Variants in MRPS6 observed in about 807,000 individuals in gnomAD.
MRPS6 encodes the protein small ribosomal subunit protein bS6m.
A neutral mutation model predicts 13.1 loss-of-function variants in MRPS6; 6 were observed. The ratio of observed to expected loss-of-function variants is 0.46; its 90% confidence interval spans 0.25 to 0.91. The LOEUF (loss-of-function observed/expected upper bound fraction) is 0.91, where lower values mean the gene tolerates loss of function less well. Among genes scored for constraint, MRPS6 ranks in the 40% least tolerant of loss-of-function variants. The probability of loss-of-function intolerance (pLI) is 0.18; values close to 1 mark genes in which losing one functional copy is unlikely to be tolerated. For synonymous variants in MRPS6, 61 were observed against 56.5 expected (o/e 1.08, Z -0.36); for missense variants, 164 against 155.6 (o/e 1.05, Z -0.29).
At chr21:34,100,311 T>C (rs1979175753) in intron 1 of MRPS6, 1 of 1,000,244 alleles carries the variant, frequency 1.0e-6, no homozygotes, top group Non-Finnish European at 1.2e-6. Flanking sequence ...GATTATTGCA[T>C]ATTTTGTGGG....
At chr21:34,090,551 T>C (rs1253345547) in intron 1 of MRPS6, among the ~76,000 whole-genome samples, 2 of 152,246 alleles carry the variant, frequency 1.3e-5, no homozygotes, top group African/African-American at 4.8e-5. Flanking sequence ...TCTTTCTATA[T>C]ATAAATAACT....
At chr21:34,113,020 A>G (rs902110816) in intron 1 of MRPS6, among the ~76,000 whole-genome samples, 2 of 152,082 alleles carry the variant, frequency 1.3e-5, no homozygotes, top group Middle Eastern at 3.2e-3. Flanking sequence ...AACAACAACA[A>G]CAACAAAAAA....
At chr21:34,091,128 A>G (rs1373387413) in intron 1 of MRPS6, among the ~76,000 whole-genome samples, 3 of 152,248 alleles carry the variant, frequency 2.0e-5, no homozygotes, top group African/African-American at 7.2e-5. Context: ...GGGCTCATCA[A>G]GCTTACCATT....
At chr21:34,132,460 G>A (rs979789234) in intron 2 of MRPS6, among the ~76,000 whole-genome samples, 4 of 152,242 alleles carry the variant, frequency 2.6e-5, no homozygotes, top group Non-Finnish European at 5.9e-5. Context: ...GCGTTGTCAT[G>A]CCTGGTGGCA....
At chr21:34,077,169 A>G (rs1240245084) in intron 1 of MRPS6, among the ~76,000 whole-genome samples, 2 of 152,164 alleles carry the variant, frequency 1.3e-5, no homozygotes, top group Admixed American at 6.5e-5. Flanking sequence ...TTCACTTGAT[A>G]ATTAGATTTT....
chr21:34,098,054 G>T, intron 1 of MRPS6: 2 of 999,004 alleles, frequency 2.0e-6, no homozygotes, highest in African/African-American at 1.8e-5. Context: ...CAACAAGTCT[G>T]CCTGTAAAGT....
rs111648311 is a variant in MRPS6, at chr21:34,125,499, T to A, written c.185+19T>A. On this transcript the variant is annotated intron_variant, in intron 2 of 2. Coordinates refer to ENST00000399312, the MANE Select transcript of MRPS6 (RefSeq NM_032476.4). Reference sequence around the variant, plus strand: ...GAGGCGGGTAAGTTTCTTCATGAAGTCTTGAAAGACGTTTTTGATAGGCTC... The same window carrying A: ...GAGGCGGGTAAGTTTCTTCATGAAGACTTGAAAGACGTTTTTGATAGGCTC... The A allele has an allele frequency of 3.1e-6, 5 of 1,611,436 alleles. No homozygotes were observed. Among genetic ancestry groups the A allele is most frequent in the Non-Finnish European group, 4.2e-6 (5 of 1,179,106 alleles).
intron 1 of MRPS6, among the ~76,000 whole-genome samples, chr21:34,093,815 G>A (rs186695842): frequency 6.6e-6 from 1 of 152,234 alleles, no homozygotes; most frequent in Admixed American, 6.5e-5. Context: ...TGTCTGTTTT[G>A]CAGAGTGATT....
intron 1 of MRPS6, among the ~76,000 whole-genome samples, chr21:34,081,160 G>A (rs1269079485): frequency 1.3e-5 from 2 of 152,128 alleles, no homozygotes; most frequent in African/African-American, 2.4e-5. Flanking sequence ...TGTATGTGGA[G>A]TGTTTTACAA....
intron 1 of MRPS6, chr21:34,124,057 A>G (rs1199114300): frequency 6.6e-6 from 1 of 151,894 alleles, no homozygotes. Context: ...CTTTCTATTG[A>G]TCTCACCTCC....
intron 1 of MRPS6, among the ~76,000 whole-genome samples, chr21:34,083,109 A>G (rs749177528): frequency 1.3e-4 from 20 of 152,114 alleles, no homozygotes; most frequent in Non-Finnish European, 2.9e-4. Context: ...TTTCTCTGTA[A>G]CACCTACCCT....
intron 1 of MRPS6, among the ~76,000 whole-genome samples, chr21:34,079,546 A>G (rs368018848): frequency 0.012 from 1,709 of 145,190 alleles, 38 homozygotes; most frequent in South Asian, 0.083. Flanking sequence ...AGCGATTCTC[A>G]TGTCTCAGCC....
rs1027120887 is a variant in MRPS6 at position 34,104,351 on chromosome 21, C to T, written c.46-20990C>T. On this transcript the variant is annotated intron_variant, in intron 1 of 2. Transcript: ENST00000399312. ...AGAAAACGTATGTTCTTCTACTCAG[C>T]ATTGCCCTTTTCCACCTCCTCACTT... The T allele has an allele frequency of 5.0e-6, 5 of 999,718 alleles. No individual in the cohort carries two copies. The African/African-American group carries it at 5.2e-5, about 10-fold the overall frequency. 61.9% of individuals were successfully genotyped at this position (999,718 alleles called of 1,614,324 possible). A position where few individuals can be genotyped will look rare whatever the true frequency, so the allele number is the denominator to read the frequency against.
chr21:34,101,726 A>G, intron 1 of MRPS6: 1 of 994,000 alleles, frequency 1.0e-6, no homozygotes, highest in Non-Finnish European at 1.2e-6. Context: ...TTAGATCCAA[A>G]TAATGACTCA....
chr21:34,128,706 CCA>C (rs1329234417), intron 2 of MRPS6, among the ~76,000 whole-genome samples: 1 of 152,170 alleles, frequency 6.6e-6, no homozygotes, highest in Non-Finnish European at 1.5e-5. Flanking sequence ...CCAGACTAGT[CCA>C]CAGAGATTTT....
intron 1 of MRPS6, chr21:34,103,492 T>A (rs1979340603): frequency 1.0e-6 from 1 of 999,056 alleles, no homozygotes; most frequent in South Asian, 4.7e-5. Flanking sequence ...GTGTTTCCAT[T>A]GTAGGTTGAT....
Position 34,087,782 on chromosome 21 carries a change from A to G in MRPS6, c.45+14037A>G, listed in dbSNP as rs571951022. ...GTGGGCCAAGGGCAGAAGCATGGAGACAAGAGGCTGGGACAGTGATCTGGA... is the reference window on the plus strand; with the variant it reads ...GTGGGCCAAGGGCAGAAGCATGGAGGCAAGAGGCTGGGACAGTGATCTGGA... On this transcript the variant is annotated intron_variant, in intron 1 of 2. Transcript: ENST00000399312. 3.9e-5 allele frequency among the ~76,000 whole-genome samples: 6 copies of G among 152,330 alleles called. No individual in the cohort carries two copies. In the East Asian group the frequency reaches 1.2e-3, roughly 29 times the overall value.
At chr21:34,101,447 C>G in intron 1 of MRPS6, 6 of 1,000,070 alleles carry the variant, frequency 6.0e-6, no homozygotes, top group Non-Finnish European at 7.2e-6. Context: ...TAGCCAGATG[C>G]TAGGTTGTTG....
At chr21:34,098,799 T>A (rs1979094785) in intron 1 of MRPS6, 2 of 999,994 alleles carry the variant, frequency 2.0e-6, no homozygotes, top group Non-Finnish European at 2.4e-6. Context: ...CTCTACAGAT[T>A]ACGTACTTCT....
Sources: gnomAD v4.1 joint callset for allele counts (sites outside exome capture counted in the v4.1 genomes callset) on GRCh38, gnomAD v4.1.1 for gene constraint, MANE v1.5 for transcripts, NCBI Gene and HGNC (gene_info 2026-07-23, HGNC 2026-07-21) for gene names.